FTCDNL1: variants seen among roughly 807,000 people sequenced by gnomAD.
The protein encoded by FTCDNL1 is formiminotransferase N-terminal subdomain-containing protein.
Under a neutral mutation model 5.9 loss-of-function variants are expected in FTCDNL1, and 11 were observed. The observed-to-expected ratio is 1.87, with a 90% CI of 1.18 to 3.10. The LOEUF (loss-of-function observed/expected upper bound fraction) is 3.10, where lower values mean the gene tolerates loss of function less well. Among genes scored for constraint, FTCDNL1 ranks in the 30% most tolerant of loss-of-function variants. FTCDNL1 has a pLI of 0.00. For synonymous variants in FTCDNL1, 58 were observed against 24.8 expected (o/e 2.34, Z -3.99); for missense variants, 115 against 65.5 (o/e 1.76, Z -2.61).
chr2:199,772,387 T>C (rs1698856776), intron 3 of FTCDNL1, among the ~76,000 whole-genome samples: 1 of 152,214 alleles, frequency 6.6e-6, no homozygotes, highest in Admixed American at 6.5e-5. Context: ...ATTGAAATCA[T>C]CTTGTGACAC....
At chr2:199,845,098 G>A (rs1051801933) in intron 3 of FTCDNL1, among the ~76,000 whole-genome samples, 1 of 151,724 alleles carries the variant, frequency 6.6e-6, no homozygotes, top group Non-Finnish European at 1.5e-5. Flanking sequence ...ACTTATTTTA[G>A]TTTTGCTCTT....
chr2:199,669,579 G>A, the FTCDNL1 span, among the ~76,000 whole-genome samples: 1,444 of 152,214 alleles, frequency 9.5e-3, 10 homozygotes, highest in South Asian at 0.023. Flanking sequence ...TGATTTGTGC[G>A]TCCTCTTATA....
At chr2:199,724,258 A>G in the FTCDNL1 span, among the ~76,000 whole-genome samples, 3 of 151,716 alleles carry the variant, frequency 2.0e-5, no homozygotes, top group South Asian at 4.1e-4. Flanking sequence ...TATTGTGTCC[A>G]TTTGATTCTT....
the FTCDNL1 span, among the ~76,000 whole-genome samples, chr2:199,708,911 T>C: frequency 6.6e-6 from 1 of 152,088 alleles, no homozygotes; most frequent in Non-Finnish European, 1.5e-5. Context: ...GAAACTCTGA[T>C]TTATAAATTC....
intron 3 of FTCDNL1, among the ~76,000 whole-genome samples, chr2:199,838,711 A>G (rs1310867682): frequency 6.6e-6 from 1 of 151,996 alleles, no homozygotes; most frequent in Non-Finnish European, 1.5e-5. Context: ...GTCAGAGCCC[A>G]TCCCTGATCC....
chr2:199,709,411 TA>T, the FTCDNL1 span, among the ~76,000 whole-genome samples: 2 of 152,272 alleles, frequency 1.3e-5, no homozygotes, highest in South Asian at 2.1e-4. Flanking sequence ...ATGAATTGTT[TA>T]AATCTATTTC....
chr2:199,696,427 C>T, the FTCDNL1 span, among the ~76,000 whole-genome samples: 3 of 152,172 alleles, frequency 2.0e-5, no homozygotes, highest in Non-Finnish European at 4.4e-5. Flanking sequence ...AGACTGGGGA[C>T]ACCTAGGCCT....
chr2:199,814,935 C>A (rs534144192), intron 4 of FTCDNL1, among the ~76,000 whole-genome samples: 47 of 152,254 alleles, frequency 3.1e-4, no homozygotes, highest in Non-Finnish European at 6.0e-4. Context: ...ATTTAAATAA[C>A]TAAACAGAAG....
At chr2:199,732,930 C>A in the FTCDNL1 span, among the ~76,000 whole-genome samples, 1 of 152,188 alleles carries the variant, frequency 6.6e-6, no homozygotes, top group Non-Finnish European at 1.5e-5. Context: ...AAAAGACTAG[C>A]ATGACTCCTA....
At chr2:199,685,287 C>A in the FTCDNL1 span, among the ~76,000 whole-genome samples, 1 of 151,998 alleles carries the variant, frequency 6.6e-6, no homozygotes, top group African/African-American at 2.4e-5. Flanking sequence ...CCTTCTTGTG[C>A]CTTTGGCAAG....
intron 3 of FTCDNL1, among the ~76,000 whole-genome samples, chr2:199,763,982 C>A (rs1698391357): frequency 6.6e-6 from 1 of 152,152 alleles, no homozygotes; most frequent in Non-Finnish European, 1.5e-5. Flanking sequence ...GCTGGGATTA[C>A]AGATGCCTGC....
rs1245294375 is a variant in FTCDNL1, at chr2:199,810,495, A to G, written c.*2210T>C. On this transcript the variant is annotated 3_prime_UTR_variant, in exon 5 of 5. Transcript: ENST00000420128. ...TCTCTTTGTGAAACCTGTTGGAGGC[A>G]CCTCTTTCTTCCATCCCCAGCTATA... is the stretch of plus-strand genomic sequence containing the variant. Among the ~76,000 whole-genome samples, 1 of 152,078 alleles carries G rather than the reference A, an allele frequency of 6.6e-6. No homozygotes were observed. Among genetic ancestry groups the G allele is most frequent in the Non-Finnish European group, 1.5e-5 (1 of 68,020 alleles).
At chr2:199,803,250 A>C (rs900239264) in intron 3 of FTCDNL1, among the ~76,000 whole-genome samples, 1 of 151,774 alleles carries the variant, frequency 6.6e-6, no homozygotes, top group Non-Finnish European at 1.5e-5. Flanking sequence ...AGAGTACAGA[A>C]GTATTGGAGA....
At chr2:199,787,404 G>C (rs1173626455) in intron 3 of FTCDNL1, among the ~76,000 whole-genome samples, 2 of 151,930 alleles carry the variant, frequency 1.3e-5, no homozygotes. Context: ...GGCTGGTCTC[G>C]AACTCCTGGG....
the FTCDNL1 span, among the ~76,000 whole-genome samples, chr2:199,690,920 T>C: frequency 6.6e-6 from 1 of 152,192 alleles, no homozygotes; most frequent in South Asian, 2.1e-4. Flanking sequence ...CCAATGTAAT[T>C]TGCATGCCCA....
chr2:199,760,716 G>A, exon 4 of FTCDNL1: 1 of 694,686 alleles, frequency 1.4e-6, no homozygotes, highest in Non-Finnish European at 2.6e-6. Context: ...ATGGTACTGT[G>A]TGTTGGTTTT....
the FTCDNL1 span, among the ~76,000 whole-genome samples, chr2:199,725,938 C>A: frequency 5.3e-5 from 8 of 152,116 alleles, no homozygotes; most frequent in African/African-American, 1.9e-4. Flanking sequence ...GCCTGTCTTG[C>A]TAGGCTGGGG....
chr2:199,697,182 G>T, the FTCDNL1 span, among the ~76,000 whole-genome samples: 1 of 152,148 alleles, frequency 6.6e-6, no homozygotes, highest in Non-Finnish European at 1.5e-5. Context: ...TGATACAGGA[G>T]AATGGCGTGA....
chr2:199,843,932 G>A (rs2076659649), intron 3 of FTCDNL1, among the ~76,000 whole-genome samples: 1 of 146,870 alleles, frequency 6.8e-6, no homozygotes, highest in African/African-American at 2.6e-5. Flanking sequence ...AAATCTTAGA[G>A]TTGTGCACAG....
Sources: gnomAD v4.1 joint callset for allele counts (sites outside exome capture counted in the v4.1 genomes callset) on GRCh38, gnomAD v4.1.1 for gene constraint, MANE v1.5 for transcripts, NCBI Gene and HGNC (gene_info 2026-07-23, HGNC 2026-07-21) for gene names.